Variants in RAB3GAP1 observed in about 807,000 individuals in gnomAD.
The protein encoded by RAB3GAP1 is rab3 GTPase-activating protein catalytic subunit.
RAB3GAP1 carries 86 observed loss-of-function variants against 130.7 expected under a neutral mutation model. The ratio of observed to expected loss-of-function variants is 0.66; its 90% confidence interval spans 0.55 to 0.79. The LOEUF is 0.79. Ranked by LOEUF, RAB3GAP1 falls within the 30% of genes least tolerant of loss-of-function variation. The pLI, the probability that RAB3GAP1 is intolerant of heterozygous loss-of-function variation, is 0.00. For missense variants in RAB3GAP1, 1,029 were observed against 1,169.4 expected (o/e 0.88, Z 1.75); for synonymous variants, 367 against 401.7 (o/e 0.91, Z 1.03).
intron 7 of RAB3GAP1, among the ~76,000 whole-genome samples, chr2:135,117,609 T>TCTG: frequency 6.9e-6 from 1 of 145,466 alleles, no homozygotes; most frequent in Admixed American, 6.8e-5. Context: ...TTCTTCTGCT[T>TCTG]CTTCTGCTTC....
intron 5 of RAB3GAP1, among the ~76,000 whole-genome samples, chr2:135,100,567 A>C (rs1166099414): frequency 6.6e-6 from 1 of 152,224 alleles, no homozygotes; most frequent in Non-Finnish European, 1.5e-5. Context: ...AGTTTGCCGT[A>C]TGGTTGGAAG....
At chr2:135,144,344 A>G (rs950656568) in intron 17 of RAB3GAP1, among the ~76,000 whole-genome samples, 10 of 152,170 alleles carry the variant, frequency 6.6e-5, no homozygotes, top group Non-Finnish European at 1.3e-4. Context: ...CTCTCTAAGT[A>G]TGGCTGGGTC....
In RAB3GAP1 at chr2:135,133,873, C is replaced by A; in HGVS notation, c.1339C>A (p.Gln447Lys). The change falls in exon 15 of 24, where the codon CAG becomes AAG. Residue 447 changes from glutamine (Q) to lysine (K), a missense_variant. Around this residue, in one of 3 missense-constraint regions of RAB3GAP1, gnomAD observed 510 missense variants for 532.1 expected, o/e 0.96. Coordinates refer to ENST00000264158, the MANE Select transcript of RAB3GAP1 (RefSeq NM_012233.3). ...TTGTTAAATTTAGAATCTCTACAAT[C>A]AGTTCAAGTCTGCACCATCTGACAG... ...SESEDYNLYN[Q>K]FKSAPSDSLT... is the part of the protein sequence containing the mutation. The A allele has an allele frequency of 6.2e-7, 1 of 1,613,436 alleles. No individual in the cohort carries two copies. Among genetic ancestry groups the A allele is most frequent in the South Asian group, 1.1e-5 (1 of 91,048 alleles).
intron 17 of RAB3GAP1, among the ~76,000 whole-genome samples, chr2:135,144,186 C>T (rs557279803): frequency 2.2e-4 from 34 of 152,286 alleles, no homozygotes; most frequent in Middle Eastern, 6.8e-3. Context: ...CAGTGGGTCC[C>T]GAGTTCTTGT....
rs1477664568 is a variant in RAB3GAP1, at chr2:135,153,784, A to C, written c.2197A>C (p.Ser733Arg). The C allele has an allele frequency of 3.1e-6, 5 of 1,614,096 alleles. No individual in the cohort carries two copies. Among genetic ancestry groups the C allele is most frequent in the Non-Finnish European group, 3.4e-6 (4 of 1,179,942 alleles). The change falls in exon 19 of 24, where the codon AGC becomes CGC. Residue 733 changes from serine to arginine, a missense_variant. By Grantham distance (110) the Ser-to-Arg change is moderately radical (BLOSUM62 -1). Coordinates refer to ENST00000264158, the MANE Select transcript of RAB3GAP1 (RefSeq NM_012233.3). ...ACTGAGTGCCCGGATGAAGATTCCA[A>C]GCAATATGTGGGTAGAAGCCTGGGA... The part of the protein sequence containing the change: ...GELSARMKIP[S>R]NMWVEAWETA...
chr2:135,129,018 A>G (rs1691438886), intron 11 of RAB3GAP1, among the ~76,000 whole-genome samples: 1 of 152,064 alleles, frequency 6.6e-6, no homozygotes, highest in South Asian at 2.1e-4. Flanking sequence ...GGGCATGGTG[A>G]TGCACACATG....
intron 4 of RAB3GAP1, among the ~76,000 whole-genome samples, chr2:135,093,100 G>A (rs1690190841): frequency 6.6e-6 from 1 of 152,268 alleles, no homozygotes; most frequent in East Asian, 1.9e-4. Context: ...AATTTGTCAT[G>A]TATTTATGGG....
At chr2:135,052,716 CAG>C (rs1025282926) in intron 2 of RAB3GAP1, among the ~76,000 whole-genome samples, 3 of 152,326 alleles carry the variant, frequency 2.0e-5, no homozygotes, top group African/African-American at 7.2e-5. Context: ...CTCAGGCTCT[CAG>C]AAAGTTTTGT....
intron 17 of RAB3GAP1, among the ~76,000 whole-genome samples, chr2:135,148,559 A>G (rs1415300435): frequency 7.5e-6 from 1 of 134,034 alleles, no homozygotes; most frequent in Non-Finnish European, 1.5e-5. Context: ...CAGTGGCGTG[A>G]TCTTGGCTTA....
chr2:135,149,717 G>A (rs531663474), intron 17 of RAB3GAP1, among the ~76,000 whole-genome samples: 12 of 152,226 alleles, frequency 7.9e-5, no homozygotes, highest in Admixed American at 2.6e-4. Flanking sequence ...GCAGTGGCTC[G>A]ATCTCGGCTT....
intron 3 of RAB3GAP1, among the ~76,000 whole-genome samples, chr2:135,062,094 C>T (rs1689188836): frequency 6.6e-6 from 1 of 151,838 alleles, no homozygotes; most frequent in Non-Finnish European, 1.5e-5. Flanking sequence ...GATCTTGGCT[C>T]ACTGCAGCCT....
chr2:135,174,811 G>A (rs769309321), downstream of RAB3GAP1, among the ~76,000 whole-genome samples: 1 of 152,216 alleles, frequency 6.6e-6, no homozygotes, highest in Non-Finnish European at 1.5e-5. Context: ...TGGGACTGAA[G>A]TCACAACATC....
At chr2:135,156,916 T>G (rs1692328769) in intron 19 of RAB3GAP1, among the ~76,000 whole-genome samples, 1 of 152,192 alleles carries the variant, frequency 6.6e-6, no homozygotes, top group South Asian at 2.1e-4. Flanking sequence ...GAAGGCAGCA[T>G]GATATATAGT....
chr2:135,138,130 A>G (rs145415511), intron 17 of RAB3GAP1, among the ~76,000 whole-genome samples: 35 of 152,086 alleles, frequency 2.3e-4, no homozygotes, highest in Non-Finnish European at 3.7e-4. Context: ...CCCGGCCTGA[A>G]AACATTCTAT....
rs142296995 is a variant in RAB3GAP1, at chr2:135,155,476, T to A, written c.2289+1600T>A. On this transcript the variant is annotated intron_variant, in intron 19 of 23. Coordinates refer to ENST00000264158, the MANE Select transcript of RAB3GAP1 (RefSeq NM_012233.3). Reference sequence around the variant, plus strand: ...ACAGAACTAATACAGTCCCTATGGCTTAACAAAGAGGATACGTTTTGAGAA... The same window carrying A: ...ACAGAACTAATACAGTCCCTATGGCATAACAAAGAGGATACGTTTTGAGAA... 5.1e-3 allele frequency among the ~76,000 whole-genome samples: 771 copies of A among 152,260 alleles called. 20 individuals carry two copies. The highest frequency in any genetic ancestry group is 0.043 in the Admixed American group (656 of 15,280).
chr2:135,083,200 C>A (rs1574093487), intron 3 of RAB3GAP1, among the ~76,000 whole-genome samples: 1 of 151,932 alleles, frequency 6.6e-6, no homozygotes, highest in Non-Finnish European at 1.5e-5. Flanking sequence ...AGGGGTATAC[C>A]ACATTTATCT....
chr2:135,154,544 A>C (rs931861550), intron 19 of RAB3GAP1, among the ~76,000 whole-genome samples: 9 of 152,180 alleles, frequency 5.9e-5, no homozygotes, highest in African/African-American at 2.2e-4. Context: ...ATTCCAGTGG[A>C]GCTCCCACTG....
At chr2:135,136,270 G>T (rs1300232193) in intron 17 of RAB3GAP1, among the ~76,000 whole-genome samples, 1 of 152,112 alleles carries the variant, frequency 6.6e-6, no homozygotes, top group Non-Finnish European at 1.5e-5. Flanking sequence ...AGGTTGCAGT[G>T]AGCCGAGATT....
intron 11 of RAB3GAP1, among the ~76,000 whole-genome samples, chr2:135,129,502 G>T (rs1451031583): frequency 6.7e-6 from 1 of 149,770 alleles, no homozygotes; most frequent in African/African-American, 2.5e-5. Flanking sequence ...ATGACGGAAA[G>T]AATACCATTA....
Sources: allele counts gnomAD v4.1 joint callset (sites outside exome capture counted in the v4.1 genomes callset), GRCh38; gene constraint gnomAD v4.1.1; regional missense constraint gnomAD v4.1.1; transcripts MANE v1.5; gene names NCBI Gene and HGNC (gene_info 2026-07-23, HGNC 2026-07-21).